Variants in C1orf87 observed in about 807,000 individuals in gnomAD.
C1orf87 encodes the protein uncharacterized protein C1orf87.
In C1orf87, 58 loss-of-function variants were observed where a neutral mutation model predicts 60.5. The ratio of observed to expected loss-of-function variants is 0.96; its 90% CI spans 0.78 to 1.19. C1orf87 has a LOEUF of 1.19. Among genes scored for constraint, C1orf87 ranks in the 50% most tolerant of loss-of-function variants. The pLI is 0.00. For synonymous variants in C1orf87, 236 were observed against 227.4 expected, an observed-to-expected ratio of 1.04 and a Z score of -0.34; for missense variants, 673 against 638.6, an observed-to-expected ratio of 1.05 and a Z score of -0.58.
At chr1:59,998,599 A>G (rs1644980038) in intron 10 of C1orf87, among the ~76,000 whole-genome samples, 1 of 152,226 alleles carries the variant, frequency 6.6e-6, no homozygotes, top group Admixed American at 6.5e-5. Context: ...TGACCCACAC[A>G]GCTGTGGAAA....
chr1:59,999,717 G>C (rs1484262218), intron 10 of C1orf87, among the ~76,000 whole-genome samples: 1 of 152,048 alleles, frequency 6.6e-6, no homozygotes, highest in Non-Finnish European at 1.5e-5. Flanking sequence ...TTATATTCTA[G>C]TTATTGCTTA....
At chr1:60,073,345 C>A (rs1645596776) in intron 1 of C1orf87, among the ~76,000 whole-genome samples, 2 of 152,156 alleles carry the variant, frequency 1.3e-5, no homozygotes, top group African/African-American at 4.8e-5. Flanking sequence ...CTTTTAGAAC[C>A]ACCCAGAGGC....
chr1:60,028,067 C>T (rs1023974621), intron 7 of C1orf87, among the ~76,000 whole-genome samples: 2 of 151,990 alleles, frequency 1.3e-5, no homozygotes, highest in African/African-American at 4.8e-5. Flanking sequence ...GTGAAAGAGG[C>T]CATGAATGCA....
At chr1:60,069,886 G>A (rs965990802) in intron 2 of C1orf87, among the ~76,000 whole-genome samples, 5 of 152,172 alleles carry the variant, frequency 3.3e-5, no homozygotes, top group East Asian at 1.9e-4. Context: ...TTGGATTAGG[G>A]TGGGCCCCTA....
intron 9 of C1orf87, among the ~76,000 whole-genome samples, chr1:60,005,493 A>G (rs1239645166): frequency 6.6e-6 from 1 of 152,132 alleles, no homozygotes; most frequent in Non-Finnish European, 1.5e-5. Flanking sequence ...CATTTTAGAT[A>G]GATAATTCAT....
At chr1:60,023,748 T>C (rs866459323) in intron 8 of C1orf87, among the ~76,000 whole-genome samples, 22 of 152,332 alleles carry the variant, frequency 1.4e-4, no homozygotes, top group African/African-American at 5.0e-4. Context: ...CCCTCCAGGC[T>C]ATCCCATTAC....
chr1:59,995,250 T>A (rs1553124699), intron 11 of C1orf87, among the ~76,000 whole-genome samples: 1 of 152,110 alleles, frequency 6.6e-6, no homozygotes, highest in African/African-American at 2.4e-5. Flanking sequence ...TTTTAAAAAA[T>A]GTTTTGTTAT....
chr1:60,021,575 C>T (rs1400176713), intron 8 of C1orf87, among the ~76,000 whole-genome samples: 1 of 152,070 alleles, frequency 6.6e-6, no homozygotes, highest in Non-Finnish European at 1.5e-5. Context: ...GTCAATGTAT[C>T]CCCAACCCCC....
chr1:60,055,477 A>G, intron 2 of C1orf87, 39 bp from the exon 3 acceptor site: 1 of 1,560,898 alleles, frequency 6.4e-7, no homozygotes. Flanking sequence ...ACTTACAGGC[A>G]GACTCCTCAT....
At chr1:60,006,815 A>G (rs1196244631) in intron 9 of C1orf87, among the ~76,000 whole-genome samples, 1 of 152,044 alleles carries the variant, frequency 6.6e-6, no homozygotes, top group East Asian at 1.9e-4. Context: ...CTTCTCAGTC[A>G]TAATTGCTTC....
Position 60,073,068 on chromosome 1 carries a change from C to T in C1orf87, c.-27-398G>A, listed in dbSNP as rs569965404. Among the ~76,000 whole-genome samples, 72 of 152,286 alleles carry T rather than the reference C, an allele frequency of 4.7e-4. No homozygotes were observed. In the South Asian group the frequency reaches 6.6e-3, roughly 14 times the overall value. On this transcript the variant is annotated intron_variant, in intron 1 of 11. Coordinates refer to ENST00000371201, the MANE Select transcript of C1orf87 (RefSeq NM_152377.3). ...GGCATTAGTGGGACATATGAAGAATCCATATTCAGTTCTGATGTTTAGTTT... is the reference window on the plus strand; with the variant it reads ...GGCATTAGTGGGACATATGAAGAATTCATATTCAGTTCTGATGTTTAGTTT...
chr1:60,003,804 T>C (rs112055212), intron 9 of C1orf87, among the ~76,000 whole-genome samples: 14 of 152,144 alleles, frequency 9.2e-5, no homozygotes, highest in Middle Eastern at 6.8e-3. Context: ...ATAAAGTCAC[T>C]AGACATTTAG....
At chr1:60,009,999 T>G (rs1645071855) in intron 9 of C1orf87, among the ~76,000 whole-genome samples, 1 of 150,572 alleles carries the variant, frequency 6.6e-6, no homozygotes, top group Non-Finnish European at 1.5e-5. Context: ...TAAACATATA[T>G]ATACATCTCA....
intron 2 of C1orf87, among the ~76,000 whole-genome samples, chr1:60,069,491 G>A (rs115212300): frequency 0.012 from 1,592 of 128,348 alleles, 42 homozygotes; most frequent in African/African-American, 0.04. Flanking sequence ...AGATGATGAT[G>A]GCACAAATAA....
chr1:60,059,343 G>A (rs534213095), intron 2 of C1orf87, among the ~76,000 whole-genome samples: 1 of 152,228 alleles, frequency 6.6e-6, no homozygotes, highest in Admixed American at 6.5e-5. Context: ...TTCCGCATAT[G>A]TACTTCTGAC....
chr1:60,066,090 T>G (rs1645544226), intron 2 of C1orf87, among the ~76,000 whole-genome samples: 1 of 152,210 alleles, frequency 6.6e-6, no homozygotes, highest in African/African-American at 2.4e-5. Context: ...CTTTAGCAAG[T>G]CCTCATCTTT....
intron 6 of C1orf87, among the ~76,000 whole-genome samples, chr1:60,034,675 A>G (rs149241086): frequency 0.013 from 1,946 of 152,258 alleles, 20 homozygotes; most frequent in Middle Eastern, 0.024. Flanking sequence ...ATTGGCCCTC[A>G]TGTCTGGCTC....
intron 8 of C1orf87, among the ~76,000 whole-genome samples, chr1:60,020,433 C>T (rs1279443355): frequency 5.3e-5 from 8 of 152,182 alleles, no homozygotes; most frequent in Non-Finnish European, 8.8e-5. Flanking sequence ...AGTAGCTGTA[C>T]CCTGAAGAAC....
At chr1:60,056,264 A>G (rs1045206440) in intron 2 of C1orf87, among the ~76,000 whole-genome samples, 3 of 152,226 alleles carry the variant, frequency 2.0e-5, no homozygotes, top group Non-Finnish European at 4.4e-5. Context: ...AATAATGGAA[A>G]GTCTTACAAA....
Sources: gnomAD v4.1 joint callset for allele counts (sites outside exome capture counted in the v4.1 genomes callset) on GRCh38, gnomAD v4.1.1 for gene constraint, MANE v1.5 for transcripts, NCBI Gene and HGNC (gene_info 2026-07-23, HGNC 2026-07-21) for gene names.